RECQL: variants seen among roughly 807,000 people sequenced by gnomAD.
The protein encoded by RECQL is ATP-dependent DNA helicase Q1.
A neutral mutation model predicts 75.8 loss-of-function variants in RECQL; 73 were observed. The ratio of observed to expected loss-of-function variants is 0.96; its 90% CI spans 0.80 to 1.17. The LOEUF is 1.17. Among genes scored for constraint, RECQL ranks in the 50% most tolerant of loss-of-function variants. The pLI is 0.00. For synonymous variants in RECQL, 248 were observed against 254.4 expected (o/e 0.97, Z 0.24); for missense variants, 699 against 772.1 (o/e 0.91, Z 1.12).
chr12:21,500,118 T>C (rs1488433302), intron 1 of RECQL, among the ~76,000 whole-genome samples: 1 of 152,168 alleles, frequency 6.6e-6, no homozygotes, highest in African/African-American at 2.4e-5. Context: ...TTAAGCAAAA[T>C]ACATCAACAT....
intron 5 of RECQL, 98 bp downstream of exon 5, chr12:21,486,381 G>C: frequency 7.2e-7 from 1 of 1,385,854 alleles, no homozygotes; most frequent in Non-Finnish European, 9.4e-7. Flanking sequence ...GATATAAATA[G>C]TTAACAGTTT....
intron 2 of RECQL, among the ~76,000 whole-genome samples, chr12:21,499,298 T>G (rs1943562051): frequency 6.6e-6 from 1 of 152,174 alleles, no homozygotes; most frequent in Admixed American, 6.5e-5. Flanking sequence ...AGTATAGAAT[T>G]TTAGTCTGGA....
chr12:21,499,920 C>T (rs2136787205), intron 1 of RECQL, among the ~76,000 whole-genome samples: 1 of 152,288 alleles, frequency 6.6e-6, no homozygotes, highest in South Asian at 2.1e-4. Flanking sequence ...CAGCAAACAT[C>T]CACAAGATAC....
chr12:21,477,243 C>CT (rs932533376), intron 7 of RECQL, among the ~76,000 whole-genome samples: 114 of 152,042 alleles, frequency 7.5e-4, no homozygotes, highest in African/African-American at 2.6e-3. Context: ...AGGATGCAGA[C>CT]TTTTTTATTT....
chr12:21,490,803 G>T (rs1174186641), intron 3 of RECQL, among the ~76,000 whole-genome samples: 1 of 152,118 alleles, frequency 6.6e-6, no homozygotes. Flanking sequence ...GCAGTGAGTT[G>T]TGGTTGTGCC....
chr12:21,487,634 TTACTAGCACC>T (rs1943330927), intron 4 of RECQL, among the ~76,000 whole-genome samples: 1 of 152,204 alleles, frequency 6.6e-6, no homozygotes, highest in Non-Finnish European at 1.5e-5. Flanking sequence ...TCACTTTTCC[TTACTAGCACC>T]TACTCATTAC....
intron 10 of RECQL, among the ~76,000 whole-genome samples, 165 bp from the exon 11 acceptor site, chr12:21,475,144 TAAAG>T (rs1943058144): frequency 6.6e-6 from 1 of 151,958 alleles, no homozygotes; most frequent in South Asian, 2.1e-4. Context: ...AAAAAAACTC[TAAAG>T]AGACATCAAT....
At chr12:21,496,128 T>C (rs1430250411) in intron 2 of RECQL, among the ~76,000 whole-genome samples, 2 of 152,234 alleles carry the variant, frequency 1.3e-5, no homozygotes, top group African/African-American at 2.4e-5. Context: ...ATCAACGGCA[T>C]GAAAGATATG....
At position 21,476,894 on chromosome 12, in the gene RECQL, G is replaced by C; in HGVS notation, c.949+17C>G. 1.3e-6 allele frequency: 2 copies of C among 1,567,468 alleles called. No homozygotes were observed. The highest frequency in any genetic ancestry group is 1.7e-4 in the Middle Eastern group (1 of 5,908). ...AAAGTTATCTCTGTCTCCAAAGTTGGTTTGTTTTTACATTACCTGATTGCC... is the reference window on the plus strand; with the variant it reads ...AAAGTTATCTCTGTCTCCAAAGTTGCTTTGTTTTTACATTACCTGATTGCC... On this transcript the variant is annotated intron_variant, in intron 8 of 14. Coordinates refer to ENST00000444129, the MANE Select transcript of RECQL (RefSeq NM_002907.4).
chr12:21,471,425 T>C lies in RECQL; in HGVS notation c.1667+3A>G, dbSNP rs1317888510. 1 of 1,606,826 alleles carries C rather than the reference T, an allele frequency of 6.2e-7. No individual in the cohort carries two copies. The highest frequency in any genetic ancestry group is 1.1e-5 in the South Asian group (1 of 90,476). Reference sequence around the variant, plus strand: ...AAAGAATAATGAATGAGTTTGTACATACTTAAGATACTGCTGTATTAGAAA... The same window carrying C: ...AAAGAATAATGAATGAGTTTGTACACACTTAAGATACTGCTGTATTAGAAA... On this transcript the variant is annotated splice_donor_region_variant and intron_variant, in intron 13 of 14. Transcript: ENST00000444129.
At position 21,501,204 on chromosome 12, in the gene RECQL, T is replaced by C. The variant is rs570593074; in HGVS notation, c.-80A>G. The C allele has an allele frequency of 1.2e-4, 18 of 152,152 alleles. No homozygotes were observed. Among genetic ancestry groups the C allele is most frequent in the Admixed American group, 7.8e-4 (12 of 15,298 alleles). 9.4% of individuals were successfully genotyped at this position (152,152 alleles called of 1,614,324 possible). A position where few individuals can be genotyped will look rare whatever the true frequency, so the allele number is the denominator to read the frequency against. ...GCAGCTGCTAATAAACAGGCTTTGG[T>C]GGCCAATCCTCCTGCATGGAAAAGA... On this transcript the variant is annotated 5_prime_UTR_variant, in exon 1 of 15. Coordinates refer to ENST00000444129, the MANE Select transcript of RECQL (RefSeq NM_002907.4).
At chr12:21,494,742 T>G (rs1045149588) in intron 2 of RECQL, among the ~76,000 whole-genome samples, 2 of 152,126 alleles carry the variant, frequency 1.3e-5, no homozygotes, top group South Asian at 4.1e-4. Flanking sequence ...TCACCAAGAC[T>G]GTGAAAAATA....
chr12:21,494,514 A>C (rs1319958958), intron 2 of RECQL, among the ~76,000 whole-genome samples: 1 of 152,156 alleles, frequency 6.6e-6, no homozygotes, highest in Non-Finnish European at 1.5e-5. Flanking sequence ...TGCTTGGCTC[A>C]TTGCCTGAAA....
At chr12:21,484,519 T>C (rs1397994627) in intron 5 of RECQL, among the ~76,000 whole-genome samples, 4 of 152,126 alleles carry the variant, frequency 2.6e-5, no homozygotes, top group Non-Finnish European at 4.4e-5. Flanking sequence ...TAGAATGACA[T>C]GGAGTTTAAA....
chr12:21,479,260 C>T (rs1309641469), intron 6 of RECQL, among the ~76,000 whole-genome samples: 1 of 151,726 alleles, frequency 6.6e-6, no homozygotes, highest in Non-Finnish European at 1.5e-5. Context: ...CTGTTATGTA[C>T]AAGGCAGGTT....
chr12:21,500,871 G>A (rs1259126126), intron 1 of RECQL, among the ~76,000 whole-genome samples: 2 of 152,102 alleles, frequency 1.3e-5, no homozygotes, highest in Non-Finnish European at 2.9e-5. Flanking sequence ...TTAAAAGACT[G>A]CTCCTTCCCA....
At position 21,471,612 on chromosome 12, in the gene RECQL, C is replaced by G. The variant is rs6499; in HGVS notation, c.1483G>C (p.Asp495His). The G allele has an allele frequency of 4.8e-3, 7,697 of 1,612,448 alleles. 30 individuals carry two copies. The highest frequency in any genetic ancestry group is 5.5e-3 in the Non-Finnish European group (6,453 of 1,178,932). ...GCCTGCTTCAGGATCTTGATTAGAT[C>G]TCTGCAGTACTCTGTTATGTTCTTT... is the stretch of plus-strand genomic sequence containing the variant. ...ERKNITEYCRDLIKILKQAEE... is the reference protein window; with the variant it reads ...ERKNITEYCRHLIKILKQAEE... The change falls in exon 13 of 15, where the codon GAT (aspartate) becomes CAT (histidine). Residue 495 changes from aspartate to histidine, a missense_variant. Transcript: ENST00000444129.
At chr12:21,473,102 G>T (rs978343328) in intron 12 of RECQL, among the ~76,000 whole-genome samples, 1 of 151,950 alleles carries the variant, frequency 6.6e-6, no homozygotes, top group African/African-American at 2.4e-5. Flanking sequence ...AATCCATTTG[G>T]AAGTCTAATA....
intron 2 of RECQL, among the ~76,000 whole-genome samples, chr12:21,495,153 T>C (rs936757228): frequency 6.6e-6 from 1 of 152,152 alleles, no homozygotes; most frequent in Non-Finnish European, 1.5e-5. Context: ...TTTCCAGAAT[T>C]GAACCACCTT....
Sources: gnomAD v4.1 joint callset for allele counts (sites outside exome capture counted in the v4.1 genomes callset) on GRCh38, gnomAD v4.1.1 for gene constraint, MANE v1.5 for transcripts, NCBI Gene and HGNC (gene_info 2026-07-23, HGNC 2026-07-21) for gene names.